SORCS2: variants seen among roughly 807,000 people sequenced by gnomAD.
SORCS2 encodes sortilin related VPS10 domain containing receptor 2.
In SORCS2, 100 loss-of-function variants were observed where a neutral mutation model predicts 141.6. That is an observed-to-expected ratio of 0.71 (90% CI 0.60 to 0.83). The LOEUF (loss-of-function observed/expected upper bound fraction) is 0.83, where lower values mean the gene tolerates loss of function less well. Among genes scored for constraint, SORCS2 ranks in the 40% least tolerant of loss-of-function variants. The pLI, the probability that SORCS2 is intolerant of heterozygous loss-of-function variation, is 0.00. For missense variants in SORCS2, 1,646 were observed against 1,560.2 expected, an observed-to-expected ratio of 1.05 and a Z score of -0.93; for synonymous variants, 789 against 676.9, an observed-to-expected ratio of 1.17 and a Z score of -2.57.
intron 12 of SORCS2, among the ~76,000 whole-genome samples, chr4:7,698,843 G>T (rs1349755627): frequency 7.8e-6 from 1 of 128,252 alleles, no homozygotes; most frequent in Non-Finnish European, 1.6e-5. Flanking sequence ...AGGGAGAGAT[G>T]CTCCTGTGGG....
intron 7 of SORCS2, among the ~76,000 whole-genome samples, chr4:7,665,536 G>C (rs1402996598): frequency 6.6e-6 from 1 of 152,094 alleles, no homozygotes; most frequent in African/African-American, 2.4e-5. Flanking sequence ...TCCTCCTCCA[G>C]GAAGTCTTCC....
chr4:7,613,935 CCATTCATT>C (rs370180109), intron 3 of SORCS2, among the ~76,000 whole-genome samples: 30 of 152,244 alleles, frequency 2.0e-4, no homozygotes, highest in African/African-American at 7.2e-4. Flanking sequence ...GTTCACTCAT[CCATTCATT>C]CATTCATTAT....
chr4:7,714,210 C>T, intron 15 of SORCS2, 30 bp from the exon 16 acceptor site: 1 of 1,599,846 alleles, frequency 6.3e-7, no homozygotes, highest in South Asian at 1.1e-5. Flanking sequence ...CTGTCTCAGG[C>T]AGCTCCTTAC....
chr4:7,522,260 C>T (rs1432130774), intron 2 of SORCS2, among the ~76,000 whole-genome samples: 4 of 152,236 alleles, frequency 2.6e-5, no homozygotes, highest in Middle Eastern at 3.4e-3. Context: ...ACTGCACATA[C>T]GTCCCCGCCA....
Position 7,707,706 on chromosome 4 carries a change from A to T in SORCS2, c.1868+3422A>T, listed in dbSNP as rs565654911. Reference sequence around the variant, plus strand: ...GGCTTCACTGGTGCGTCCCCAGGCCACGCACAGCACCAGGCATGGAAGAGG... The same window carrying T: ...GGCTTCACTGGTGCGTCCCCAGGCCTCGCACAGCACCAGGCATGGAAGAGG... On this transcript the variant is annotated intron_variant, in intron 14 of 26. Transcript: ENST00000507866. 7.1e-4 allele frequency among the ~76,000 whole-genome samples: 108 copies of T among 152,346 alleles called. 1 individual carries two copies. Among genetic ancestry groups the T allele is most frequent in the African/African-American group, 2.5e-3 (105 of 41,572 alleles).
rs1053171525 is a variant in SORCS2 at position 7,324,801 on chromosome 4, C to G, written c.481-71487C>G. Reference sequence around the variant, plus strand: ...GCCAGGGGTGAAAAAGACACAAAACCCATCACGTGTAAGTGGAGGTGCAAG... The same window carrying G: ...GCCAGGGGTGAAAAAGACACAAAACGCATCACGTGTAAGTGGAGGTGCAAG... On this transcript the variant is annotated intron_variant, in intron 1 of 26. Transcript: ENST00000507866. Among the ~76,000 whole-genome samples, 63 of 152,322 alleles carry G rather than the reference C, an allele frequency of 4.1e-4. 2 individuals are homozygous for G. The highest frequency in any genetic ancestry group is 2.1e-4 in the South Asian group (1 of 4,822).
At chr4:7,461,913 TCAGTGCCTCTGCTGTCCTG>T (rs1448750158) in intron 2 of SORCS2, among the ~76,000 whole-genome samples, 5 of 101,506 alleles carry the variant, frequency 4.9e-5, no homozygotes, top group Non-Finnish European at 1.1e-4. Flanking sequence ...CCCGCAGGCT[TCAGTGCCTCTGCTGTCCTG>T]CAGGCTTCAG....
intron 2 of SORCS2, among the ~76,000 whole-genome samples, chr4:7,453,818 G>A (rs1425424902): frequency 7.5e-6 from 1 of 132,922 alleles, no homozygotes; most frequent in African/African-American, 2.9e-5. Context: ...GTCAGGTGCT[G>A]TGTTGGGGCC....
chr4:7,664,674 C>G lies in SORCS2; in HGVS notation c.1071+203C>G, dbSNP rs974504073. On this transcript the variant is annotated intron_variant, in intron 7 of 26. Coordinates refer to ENST00000507866, the MANE Select transcript of SORCS2 (RefSeq NM_020777.3). The surrounding 1 kb of genome is among the most constrained non-coding windows in gnomAD (Gnocchi z 4.7). ...CCCTCGCAAGCCCAGAACTGTGGCT[C>G]AGGGACACTGAGGCTCCACCTCCCT... 2.6e-5 allele frequency among the ~76,000 whole-genome samples: 4 copies of G among 152,314 alleles called. No homozygotes were observed. Among genetic ancestry groups the G allele is most frequent in the African/African-American group, 9.6e-5 (4 of 41,586 alleles).
chr4:7,241,059 C>T (rs757895473), intron 1 of SORCS2, among the ~76,000 whole-genome samples: 4 of 152,176 alleles, frequency 2.6e-5, no homozygotes, highest in Admixed American at 6.5e-5. Context: ...CTCAGCCTCC[C>T]GAGTAGCTGG....
intron 25 of SORCS2, among the ~76,000 whole-genome samples, chr4:7,736,035 A>G (rs1489192342): frequency 6.6e-6 from 1 of 152,252 alleles, no homozygotes; most frequent in African/African-American, 2.4e-5. Context: ...GGGCATAGGC[A>G]GAAGTGCCCA....
chr4:7,680,313 C>T (rs1723439015), intron 9 of SORCS2, among the ~76,000 whole-genome samples: 1 of 152,252 alleles, frequency 6.6e-6, no homozygotes, highest in Non-Finnish European at 1.5e-5. Flanking sequence ...CCCACCCTCT[C>T]CCAGCCGCCG....
At chr4:7,451,769 C>T (rs1461562420) in intron 2 of SORCS2, among the ~76,000 whole-genome samples, 2 of 152,190 alleles carry the variant, frequency 1.3e-5, no homozygotes, top group African/African-American at 2.4e-5. Flanking sequence ...GTCCCAGACC[C>T]CACTGGTGCA....
chr4:7,197,360 T>C (rs1727232401), intron 1 of SORCS2, among the ~76,000 whole-genome samples: 1 of 152,182 alleles, frequency 6.6e-6, no homozygotes, highest in Non-Finnish European at 1.5e-5. Context: ...CAGACCCTAA[T>C]AGCAGGGAAG....
chr4:7,672,444 A>G (rs1722856708), intron 8 of SORCS2, among the ~76,000 whole-genome samples: 1 of 152,242 alleles, frequency 6.6e-6, no homozygotes, highest in Admixed American at 6.5e-5. Flanking sequence ...TGAATTTTAT[A>G]TAAACATCTA....
At chr4:7,707,563 C>T (rs1303516297) in intron 14 of SORCS2, among the ~76,000 whole-genome samples, 1 of 152,248 alleles carries the variant, frequency 6.6e-6, no homozygotes, top group Non-Finnish European at 1.5e-5. Flanking sequence ...AGGGCCTTCC[C>T]TGCCACCAGG....
At chr4:7,604,371 G>A (rs1717924769) in intron 3 of SORCS2, among the ~76,000 whole-genome samples, 1 of 152,250 alleles carries the variant, frequency 6.6e-6, no homozygotes, top group South Asian at 2.1e-4. Flanking sequence ...AGGCTGGAGT[G>A]CAGTGGCGCG....
intron 5 of SORCS2, among the ~76,000 whole-genome samples, chr4:7,660,556 G>C (rs1384208580): frequency 6.6e-6 from 1 of 152,208 alleles, no homozygotes; most frequent in Non-Finnish European, 1.5e-5. Context: ...GTGGTATTAG[G>C]AGAAGGCCTT....
chr4:7,415,786 T>G (rs1725628454), intron 2 of SORCS2, among the ~76,000 whole-genome samples: 1 of 152,256 alleles, frequency 6.6e-6, no homozygotes, highest in Admixed American at 6.5e-5. Context: ...GTAAACATTC[T>G]TGAGCATGCC....
Sources: gnomAD v4.1 joint callset for allele counts (sites outside exome capture counted in the v4.1 genomes callset) on GRCh38, gnomAD v4.1.1 for gene constraint, Gnocchi (gnomAD v3.1) non-coding constraint, MANE v1.5 for transcripts, NCBI Gene and HGNC (gene_info 2026-07-23, HGNC 2026-07-21) for gene names.